ZHX2: variants seen among roughly 807,000 people sequenced by gnomAD.
The protein encoded by ZHX2 is zinc fingers and homeoboxes protein 2.
In ZHX2, 6 loss-of-function variants were observed where a neutral mutation model predicts 21.9. That is an observed-to-expected ratio of 0.27 (90% CI 0.15 to 0.54). ZHX2 has a LOEUF of 0.54. Ranked by LOEUF, ZHX2 falls within the 20% of genes least tolerant of loss-of-function variation. ZHX2 has a pLI of 0.95. For synonymous variants in ZHX2, 434 were observed against 437.1 expected (o/e 0.99, Z 0.09); for missense variants, 908 against 1,090.7 (o/e 0.83, Z 2.36).
intron 2 of ZHX2, among the ~76,000 whole-genome samples, chr8:122,937,554 T>C (rs7839923): frequency 0.64 from 96,520 of 151,608 alleles, 31,702 homozygotes; most frequent in East Asian, 0.76. Context: ...GTAGACCTTG[T>C]TCTCCAAGTG....
At chr8:122,842,167 T>C (rs760683587) in intron 1 of ZHX2, among the ~76,000 whole-genome samples, 14 of 152,226 alleles carry the variant, frequency 9.2e-5, no homozygotes, top group Non-Finnish European at 1.8e-4. Flanking sequence ...CATGTCTCTT[T>C]ATGTGGGACT....
At chr8:122,868,614 T>C (rs941894698) in intron 2 of ZHX2, among the ~76,000 whole-genome samples, 1 of 146,084 alleles carries the variant, frequency 6.8e-6, no homozygotes, top group African/African-American at 2.6e-5. Context: ...GGCAGGAGAA[T>C]GGCGAGAACC....
intron 1 of ZHX2, among the ~76,000 whole-genome samples, chr8:122,860,757 C>T (rs1447668523): frequency 6.6e-6 from 1 of 151,920 alleles, no homozygotes; most frequent in Non-Finnish European, 1.5e-5. Flanking sequence ...CAGAGAGGGT[C>T]GGGCGTGGTG....
intron 1 of ZHX2, among the ~76,000 whole-genome samples, chr8:122,824,441 T>C (rs1818219107): frequency 6.6e-6 from 1 of 152,174 alleles, no homozygotes; most frequent in African/African-American, 2.4e-5. Flanking sequence ...CCCATAGAAC[T>C]GAAATTCTAC....
intron 2 of ZHX2, among the ~76,000 whole-genome samples, chr8:122,886,889 C>T (rs1407113325): frequency 6.6e-6 from 1 of 152,158 alleles, no homozygotes. Flanking sequence ...CACCACTGCC[C>T]TACAAGCAAG....
chr8:122,832,482 G>A (rs745313673), intron 1 of ZHX2, among the ~76,000 whole-genome samples: 18 of 152,172 alleles, frequency 1.2e-4, no homozygotes, highest in Non-Finnish European at 2.5e-4. Flanking sequence ...ACTCCACGCC[G>A]TTCGTCGGTA....
At chr8:122,826,700 C>T (rs1355191411) in intron 1 of ZHX2, among the ~76,000 whole-genome samples, 1 of 151,894 alleles carries the variant, frequency 6.6e-6, no homozygotes, top group East Asian at 1.9e-4. Context: ...GTGTAAGGGG[C>T]GATTGTCTTT....
At chr8:122,799,840 T>A (rs1817682046) in intron 1 of ZHX2, among the ~76,000 whole-genome samples, 1 of 152,192 alleles carries the variant, frequency 6.6e-6, no homozygotes, top group South Asian at 2.1e-4. Flanking sequence ...ACATTTACAT[T>A]TGCTTTTCTT....
chr8:122,862,085 G>A (rs1423853926), intron 1 of ZHX2, among the ~76,000 whole-genome samples: 2 of 152,310 alleles, frequency 1.3e-5, no homozygotes, highest in Non-Finnish European at 2.9e-5. Context: ...CTGAGGAGGA[G>A]GGAAGCCTGT....
At chr8:122,935,394 A>T (rs958014812) in intron 2 of ZHX2, among the ~76,000 whole-genome samples, 1 of 152,144 alleles carries the variant, frequency 6.6e-6, no homozygotes, top group Non-Finnish European at 1.5e-5. Context: ...TGCAATGAAC[A>T]TAAAATTGTC....
chr8:122,883,335 T>C (rs1011387039), intron 2 of ZHX2, among the ~76,000 whole-genome samples: 1 of 151,836 alleles, frequency 6.6e-6, no homozygotes, highest in Non-Finnish European at 1.5e-5. Flanking sequence ...ATGGAGGAGA[T>C]GGAGGTGGGC....
intron 1 of ZHX2, among the ~76,000 whole-genome samples, chr8:122,855,096 C>A (rs890295058): frequency 2.6e-5 from 4 of 152,206 alleles, no homozygotes; most frequent in Non-Finnish European, 4.4e-5. Flanking sequence ...AATCTTAGCT[C>A]TGGCCTCTGT....
At chr8:122,816,124 C>T (rs1365334185) in intron 1 of ZHX2, among the ~76,000 whole-genome samples, 1 of 151,620 alleles carries the variant, frequency 6.6e-6, no homozygotes, top group African/African-American at 2.4e-5. Context: ...CCACTCCAGC[C>T]TTCAGCAACC....
chr8:122,883,001 C>CA (rs1472597348), intron 2 of ZHX2, among the ~76,000 whole-genome samples: 3 of 151,966 alleles, frequency 2.0e-5, no homozygotes, highest in African/African-American at 2.4e-5. Context: ...AACAAACAAA[C>CA]AAAAAATCAC....
chr8:122,896,275 T>G (rs1820099555), intron 2 of ZHX2, among the ~76,000 whole-genome samples: 1 of 152,014 alleles, frequency 6.6e-6, no homozygotes, highest in South Asian at 2.1e-4. Flanking sequence ...GGATGAGCTC[T>G]TCTCTAGGAA....
At chr8:122,817,013 A>T (rs150293560) in intron 1 of ZHX2, among the ~76,000 whole-genome samples, 9 of 152,136 alleles carry the variant, frequency 5.9e-5, no homozygotes, top group Non-Finnish European at 1.5e-5. Flanking sequence ...CAGATGGTGG[A>T]TGGAGAAAGA....
chr8:122,914,386 T>C (rs962039862), intron 2 of ZHX2, among the ~76,000 whole-genome samples: 1 of 152,190 alleles, frequency 6.6e-6, no homozygotes, highest in Admixed American at 6.5e-5. Flanking sequence ...AGGGGCACAG[T>C]GGGCAGGAGC....
intron 1 of ZHX2, among the ~76,000 whole-genome samples, chr8:122,809,703 G>A (rs11776496): frequency 0.62 from 93,778 of 151,940 alleles, 29,262 homozygotes; most frequent in African/African-American, 0.69. Context: ...CTTGTCACGC[G>A]TGGGGCCTGA....
Position 122,953,694 on chromosome 8 carries a change from A to G in ZHX2, c.2184A>G (p.Pro728=). 6.2e-7 allele frequency: 1 copy of G among 1,614,286 alleles called. No individual in the cohort carries two copies. The highest frequency in any genetic ancestry group is 1.1e-5 in the South Asian group (1 of 91,088). ...CAAAGAACGGGGGTGATGTGGTTCC[A>G]CAATATTACAAGGACCCCAAAAAGC... is the stretch of plus-strand genomic sequence containing the variant. ...ESPKNGGDVV[P]QYYKDPKKLC... Residue 728 remains proline, a synonymous_variant, in exon 3 of 4, where the codon CCA becomes CCG. Transcript: ENST00000314393. The surrounding 1 kb of genome is among the most constrained non-coding windows in gnomAD (Gnocchi z 4.6).
Sources: gnomAD v4.1 joint callset for allele counts (sites outside exome capture counted in the v4.1 genomes callset) on GRCh38, gnomAD v4.1.1 for gene constraint, Gnocchi (gnomAD v3.1) non-coding constraint, MANE v1.5 for transcripts, NCBI Gene and HGNC (gene_info 2026-07-23, HGNC 2026-07-21) for gene names.